CUL2: variants seen among roughly 807,000 people sequenced by gnomAD.
CUL2 encodes the protein cullin-2.
CUL2 carries 22 observed loss-of-function variants against 110.2 expected under a neutral mutation model. The ratio of observed to expected loss-of-function variants is 0.20; its 90% CI spans 0.14 to 0.28. CUL2 has a LOEUF of 0.28. Among genes scored for constraint, CUL2 ranks in the 10% least tolerant of loss-of-function variants. The pLI is 1.00. For missense variants in CUL2, 631 were observed against 905.5 expected (o/e 0.70, Z 3.89); for synonymous variants, 279 against 293.2 (o/e 0.95, Z 0.49).
At chr10:35,085,555 T>C (rs1192410263) in intron 1 of CUL2, among the ~76,000 whole-genome samples, 1 of 150,604 alleles carries the variant, frequency 6.6e-6, no homozygotes, top group East Asian at 2.0e-4. Flanking sequence ...CCATCCTGGC[T>C]AACACGGTGA....
intron 1 of CUL2, among the ~76,000 whole-genome samples, chr10:35,122,391 G>A (rs1020339226): frequency 2.0e-5 from 3 of 152,170 alleles, no homozygotes; most frequent in African/African-American, 7.2e-5. Flanking sequence ...GCCAAAGGAC[G>A]TTTTGAAACC....
chr10:35,069,144 G>A (rs1048834179), intron 2 of CUL2, among the ~76,000 whole-genome samples: 2 of 152,078 alleles, frequency 1.3e-5, no homozygotes, highest in African/African-American at 4.8e-5. Context: ...TTGAATTGTA[G>A]GCGTGAGACA....
rs2084845586 is a variant in CUL2, at chr10:35,009,407, T to C, written c.*904A>G. 1.3e-5 allele frequency: 2 copies of C among 151,808 alleles called. No individual in the cohort carries two copies. The highest frequency in any genetic ancestry group is 4.2e-4 in the South Asian group (2 of 4,802). 9.4% of individuals were successfully genotyped at this position (151,808 alleles called of 1,614,324 possible). A position where few individuals can be genotyped will look rare whatever the true frequency, so the allele number is the denominator to read the frequency against. ...GTAGGGGAGGCATATAGAAGGAATA[T>C]GTTGGTATCATAGATTTCCTAAGAC... is the stretch of plus-strand genomic sequence containing the variant. On this transcript the variant is annotated 3_prime_UTR_variant, in exon 21 of 21. Transcript: ENST00000374749.
In CUL2 at chr10:35,117,442, C is replaced by G. The variant is rs142998594; in HGVS notation, c.-51+9163G>C. On this transcript the variant is annotated intron_variant, in intron 1 of 5. Transcript: ENST00000685421. Reference sequence around the variant, plus strand: ...ACAAGGTCTCACTATGTTTCCCAGTCTGGTCTTGAACTCCTGAGCTCAAGC... The same window carrying G: ...ACAAGGTCTCACTATGTTTCCCAGTGTGGTCTTGAACTCCTGAGCTCAAGC... Among the ~76,000 whole-genome samples, 980 of 151,838 alleles carry G rather than the reference C, an allele frequency of 6.5e-3. 12 individuals are homozygous for G. The highest frequency in any genetic ancestry group is 0.021 in the African/African-American group (880 of 41,360).
At chr10:35,033,318 AG>A (rs756851436) in intron 10 of CUL2, 45 bp from the exon 11 acceptor site, 2 of 1,318,874 alleles carry the variant, frequency 1.5e-6, no homozygotes, top group African/African-American at 2.9e-5. Context: ...AAGAGGTTCA[AG>A]GATATCCAAA....
At chr10:35,089,438 G>A (rs2087146930) in intron 1 of CUL2, among the ~76,000 whole-genome samples, 1 of 152,226 alleles carries the variant, frequency 6.6e-6, no homozygotes, top group Admixed American at 6.5e-5. Context: ...CTAGTTCAAA[G>A]ACGTTTATGT....
intron 1 of CUL2, chr10:35,120,601 T>C (rs1393239057): frequency 7.2e-5 from 11 of 152,246 alleles, no homozygotes; most frequent in African/African-American, 2.6e-4. Flanking sequence ...GGAAATTGCC[T>C]AAAGAATGTG....
chr10:35,033,387 C>T, intron 10 of CUL2, 114 bp from the exon 11 acceptor site: 3 of 671,080 alleles, frequency 4.5e-6, no homozygotes, highest in Middle Eastern at 2.8e-4. Flanking sequence ...ATGTTTCACA[C>T]ATGCACACTT....
At chr10:35,021,821 T>TGAGGTGAGGCAAGGC (rs2085199745) in intron 17 of CUL2, among the ~76,000 whole-genome samples, 1 of 108,042 alleles carries the variant, frequency 9.3e-6, no homozygotes, top group African/African-American at 3.8e-5. Flanking sequence ...CGAGGTGGGG[T>TGAGGTGAGGCAAGGC]GAGGTGAGGC....
At chr10:35,053,620 T>A (rs182797802) in intron 5 of CUL2, among the ~76,000 whole-genome samples, 36 of 152,342 alleles carry the variant, frequency 2.4e-4, no homozygotes, top group African/African-American at 8.7e-4. Context: ...CAAGTATGGA[T>A]CACTAGGCTT....
At chr10:35,096,091 T>G (rs1371947463) in intron 2 of CUL2, among the ~76,000 whole-genome samples, 1 of 151,366 alleles carries the variant, frequency 6.6e-6, no homozygotes, top group Non-Finnish European at 1.5e-5. Flanking sequence ...CTACTAAAAA[T>G]ACAAAAATAA....
intron 1 of CUL2, among the ~76,000 whole-genome samples, chr10:35,113,022 T>C (rs2087540166): frequency 6.6e-6 from 1 of 150,860 alleles, no homozygotes; most frequent in Admixed American, 6.6e-5. Context: ...TGAAACCCAG[T>C]CTCTACTAAA....
chr10:35,010,427 T>C lies in CUL2; in HGVS notation c.2122A>G (p.Arg708Gly). The C allele has an allele frequency of 1.9e-6, 3 of 1,609,972 alleles. No individual in the cohort carries two copies. Among genetic ancestry groups the C allele is most frequent in the South Asian group, 2.2e-5 (2 of 90,440 alleles). ...ALIQEVISQSRARFNPSISMI... is the reference protein window; with the variant it reads ...ALIQEVISQSGARFNPSISMI... ...CTGATACTGGGATTAAACCTAGCTC[T>C]TGACTGGCTAATCACCTGTGGAAGA... The change falls in exon 21 of 21, where the codon AGA (arginine) becomes GGA (glycine). Residue 708 changes from arginine (R) to glycine (G), a missense_variant. This residue lies in a region of CUL2 where 159 missense variants were observed against 202.7 expected (regional missense o/e 0.78). Coordinates refer to ENST00000374749, the MANE Select transcript of CUL2 (RefSeq NM_003591.4).
chr10:35,021,186 A>T (rs1462760060), intron 17 of CUL2, among the ~76,000 whole-genome samples: 2 of 151,784 alleles, frequency 1.3e-5, no homozygotes, highest in Admixed American at 1.3e-4. Context: ...CATGGTGACA[A>T]TTTTATTCCA....
intron 4 of CUL2, among the ~76,000 whole-genome samples, chr10:35,055,290 A>ATT: frequency 6.6e-6 from 1 of 152,380 alleles, no homozygotes; most frequent in East Asian, 1.9e-4. Context: ...CAATACAAGT[A>ATT]TTTTAGGCAA....
chr10:35,072,572 GT>G (rs1218038551), intron 1 of CUL2, among the ~76,000 whole-genome samples: 1 of 152,098 alleles, frequency 6.6e-6, no homozygotes, highest in Non-Finnish European at 1.5e-5. Flanking sequence ...GTTTCACCAT[GT>G]TAGCCAGGAT....
At chr10:35,057,768 A>C (rs1001955320) in intron 4 of CUL2, among the ~76,000 whole-genome samples, 5 of 152,116 alleles carry the variant, frequency 3.3e-5, no homozygotes, top group African/African-American at 1.2e-4. Flanking sequence ...AGTATTTTAC[A>C]ATCAAATTTA....
At chr10:35,054,282 A>G (rs189058175) in intron 5 of CUL2, 152 bp downstream of exon 5, 1 of 503,726 alleles carries the variant, frequency 2.0e-6, no homozygotes, top group African/African-American at 2.0e-5. Flanking sequence ...GAGGATTCTT[A>G]GGAAATCACT....
chr10:35,123,767 T>C (rs1013809136), intron 1 of CUL2, among the ~76,000 whole-genome samples: 10 of 152,222 alleles, frequency 6.6e-5, no homozygotes, highest in East Asian at 1.9e-4. Flanking sequence ...GAGTTGGAAA[T>C]GCTCATGGGC....
Sources: allele counts gnomAD v4.1 joint callset (sites outside exome capture counted in the v4.1 genomes callset), GRCh38; gene constraint gnomAD v4.1.1; regional missense constraint gnomAD v4.1.1; transcripts MANE v1.5; gene names NCBI Gene and HGNC (gene_info 2026-07-23, HGNC 2026-07-21).